The following NCAPD3 variants were observed in gnomAD, a reference collection of about 807,000 sequenced individuals.
NCAPD3 encodes the protein non-SMC condensin II complex subunit D3, also known as condensin-2 complex subunit D3.
Under a neutral mutation model 182.9 loss-of-function variants are expected in NCAPD3, and 105 were observed. The ratio of observed to expected loss-of-function variants is 0.57; its 90% CI spans 0.49 to 0.68. The LOEUF is 0.68. Ranked by LOEUF, NCAPD3 falls within the 30% of genes least tolerant of loss-of-function variation. NCAPD3 has a pLI of 0.00. For synonymous variants in NCAPD3, 815 were observed against 679.9 expected (o/e 1.20, Z -3.09); for missense variants, 1,944 against 1,837.0 (o/e 1.06, Z -1.07).
At chr11:134,168,417 C>T in intron 26 of NCAPD3, 52 bp downstream of exon 26, 1 of 1,609,140 alleles carries the variant, frequency 6.2e-7, no homozygotes, top group African/African-American at 1.3e-5. Flanking sequence ...ATTATCAACA[C>T]AGCATTTCAT....
rs370221558 is a variant in NCAPD3, at chr11:134,168,883, A to C, written c.3239+34T>G. 167 of 1,600,598 alleles carry C rather than the reference A, an allele frequency of 1.0e-4. 4 individuals carry two copies. The highest frequency in any genetic ancestry group is 4.9e-4 in the South Asian group (43 of 88,172). On this transcript the variant is annotated intron_variant, in intron 25 of 34. Transcript: ENST00000534548. ...CCTGATTCCCCCAGCTCTTACCCAG[A>C]TACAAGGAGACCAGACTTAGCTGCT... is the stretch of plus-strand genomic sequence containing the variant.
At chr11:134,207,761 A>AC (rs1822756810) in intron 7 of NCAPD3, among the ~76,000 whole-genome samples, 1 of 151,762 alleles carries the variant, frequency 6.6e-6, no homozygotes, top group African/African-American at 2.4e-5. Context: ...AAAAAAAAAA[A>AC]AAAAAACCAT....
At position 134,204,850 on chromosome 11, in the gene NCAPD3, C is replaced by A; in HGVS notation, c.1089+49G>T. ...ACACACACACACACACATTTATCTTCACACACGATATACTTCCATGTTATT... is the reference window on the plus strand; with the variant it reads ...ACACACACACACACACATTTATCTTAACACACGATATACTTCCATGTTATT... On this transcript the variant is annotated intron_variant, in intron 9 of 34. Coordinates refer to ENST00000534548, the MANE Select transcript of NCAPD3 (RefSeq NM_015261.3). This position sits in a 1 kb window ranked among gnomAD's most constrained non-coding sequence, Gnocchi z 4.3. 1 of 1,447,902 alleles carries A rather than the reference C, an allele frequency of 6.9e-7. No homozygotes were observed. The highest frequency in any genetic ancestry group is 1.2e-5 in the South Asian group (1 of 86,506). The allele number at this position is 1,447,902 out of a possible 1,614,324, so 89.7% of individuals were successfully genotyped here.
intron 31 of NCAPD3, 32 bp downstream of exon 31, chr11:134,157,896 C>A: frequency 6.3e-7 from 1 of 1,592,820 alleles, no homozygotes; most frequent in Non-Finnish European, 8.6e-7. Flanking sequence ...TGTAAATGCT[C>A]TACTGTGTCT....
rs1944380554 is a variant in NCAPD3 at position 134,185,304 on chromosome 11, G to A, written c.2237+31C>T. On this transcript the variant is annotated intron_variant, in intron 17 of 34. Transcript: ENST00000534548. The stretch of plus-strand genomic sequence containing the variant: ...GGCTTTGTTTCTAAGACTCTTCAGT[G>A]TCATTACTGGTTAAATTAGAAGATA... 11 of 1,549,490 alleles carry A rather than the reference G, an allele frequency of 7.1e-6. No homozygotes were observed. In the South Asian group the frequency reaches 1.2e-4, roughly 17 times the overall value.
chr11:134,206,235 G>A (rs1444281728), intron 8 of NCAPD3, among the ~76,000 whole-genome samples: 1 of 152,200 alleles, frequency 6.6e-6, no homozygotes, highest in African/African-American at 2.4e-5. Flanking sequence ...GCAAAGAGCT[G>A]CAAAGTAGAG....
chr11:134,164,685 C>G (rs940878786), intron 27 of NCAPD3, among the ~76,000 whole-genome samples: 2 of 148,284 alleles, frequency 1.3e-5, no homozygotes, highest in African/African-American at 2.5e-5. Context: ...TGCACACTCA[C>G]TTGTAAAATA....
In NCAPD3 at chr11:134,204,906, C is replaced by G. The variant is rs759200958; in HGVS notation, c.1082G>C (p.Cys361Ser). Residue 361 changes from cysteine (C) to serine (S), a missense_variant, in exon 9 of 35, where the codon TGT becomes TCT. Coordinates refer to ENST00000534548, the MANE Select transcript of NCAPD3 (RefSeq NM_015261.3). The surrounding 1 kb of genome is among the most constrained non-coding windows in gnomAD (Gnocchi z 4.3). ...TACTAAGGCAAACAGTACCTTGGCA[C>G]AGATGTGCTGCAGTAAGATACGGAC... ...PVVRILLQHI[C>S]AKVVDKSEYR... 6.2e-7 allele frequency: 1 copy of G among 1,611,248 alleles called. No individual in the cohort carries two copies. The highest frequency in any genetic ancestry group is 2.2e-5 in the East Asian group (1 of 44,848).
chr11:134,202,205 T>C (rs960064079), intron 13 of NCAPD3, among the ~76,000 whole-genome samples: 2 of 152,210 alleles, frequency 1.3e-5, no homozygotes, highest in Non-Finnish European at 2.9e-5. Context: ...TTTCTCTCTC[T>C]TATCTGTGTC....
At chr11:134,168,876 T>C in intron 25 of NCAPD3, 41 bp downstream of exon 25, 5 of 1,593,150 alleles carry the variant, frequency 3.1e-6, no homozygotes, top group Non-Finnish European at 4.3e-6. Context: ...CCCCAGCTCT[T>C]ACCCAGATAC....
At chr11:134,178,573 A>G (rs919625640) in intron 22 of NCAPD3, 61 bp downstream of exon 22, 140 of 1,301,838 alleles carry the variant, frequency 1.1e-4, no homozygotes, top group Non-Finnish European at 1.4e-4. Flanking sequence ...GGCTGGGCTT[A>G]CTTAAGACAA....
rs1333600798 is a variant in NCAPD3, at chr11:134,154,635, G to GCAGCCTCGCCCCTC, written c.4253-1273_4253-1272insGAGGGGCGAGGCTG. Among the ~76,000 whole-genome samples, 449 of 140,024 alleles carry GCAGCCTCGCCCCTC rather than the reference G, an allele frequency of 3.2e-3. 3 individuals carry two copies. Among genetic ancestry groups the GCAGCCTCGCCCCTC allele is most frequent in the African/African-American group, 0.011 (399 of 35,714 alleles). The allele number at this position is 140,024 out of a possible 152,430, so 91.9% of individuals were successfully genotyped here. A position where few individuals can be genotyped will look rare whatever the true frequency, so the allele number is the denominator to read the frequency against. Reference sequence around the variant, plus strand: ...TGCAGCCTCGCCCCTCCTGGGTGGTGCTGTACCCAGTGCATAAGCTGCCAC... The same window carrying GCAGCCTCGCCCCTC: ...TGCAGCCTCGCCCCTCCTGGGTGGTGCAGCCTCGCCCCTCCTGTACCCAGTGCATAAGCTGCCAC... On this transcript the variant is annotated intron_variant, in intron 32 of 34. Transcript: ENST00000534548.
At chr11:134,217,898 A>C (rs116945950) in intron 2 of NCAPD3, among the ~76,000 whole-genome samples, 2,601 of 152,244 alleles carry the variant, frequency 0.017, 26 homozygotes, top group Middle Eastern at 0.044. Context: ...CAGGAGTTTG[A>C]GAACAGCCAG....
chr11:134,159,336 G>A (rs1343284415), intron 29 of NCAPD3, among the ~76,000 whole-genome samples: 9 of 152,122 alleles, frequency 5.9e-5, no homozygotes, highest in South Asian at 4.1e-4. Context: ...GAATCTTCAC[G>A]TACTATGAGC....
At chr11:134,181,491 C>T (rs1274649056) in intron 19 of NCAPD3, among the ~76,000 whole-genome samples, 1 of 152,142 alleles carries the variant, frequency 6.6e-6, no homozygotes, top group African/African-American at 2.4e-5. Context: ...TGTAAGAGAT[C>T]TATAATAGTA....
intron 22 of NCAPD3, 105 bp downstream of exon 22, chr11:134,178,529 C>T: frequency 3.5e-6 from 3 of 864,410 alleles, no homozygotes; most frequent in Non-Finnish European, 1.8e-6. Context: ...AGAGCAGACA[C>T]AGACAGGCTC....
chr11:134,192,295 G>A (rs186134388), intron 16 of NCAPD3, among the ~76,000 whole-genome samples: 5 of 152,324 alleles, frequency 3.3e-5, no homozygotes, highest in South Asian at 2.1e-4. Context: ...AGCCTGCAGT[G>A]TTAGTTAAGT....
chr11:134,155,341 G>GA (rs1435392569), intron 32 of NCAPD3, among the ~76,000 whole-genome samples: 2 of 152,166 alleles, frequency 1.3e-5, no homozygotes, highest in South Asian at 4.1e-4. Flanking sequence ...AAACCACAGA[G>GA]AAAACAGAAC....
At position 134,173,273 on chromosome 11, in the gene NCAPD3, C is replaced by T. The variant is rs138798442; in HGVS notation, c.3101+3034G>A. The stretch of plus-strand genomic sequence containing the variant: ...CTCAAAGCCCCAGATCCCAGGGAGG[C>T]GGGGGATGGTGGGGACAGCACAGGT... On this transcript the variant is annotated intron_variant, in intron 24 of 34. Coordinates refer to ENST00000534548, the MANE Select transcript of NCAPD3 (RefSeq NM_015261.3). 649 of 154,030 alleles carry T rather than the reference C, an allele frequency of 4.2e-3. 4 individuals carry two copies. The highest frequency in any genetic ancestry group is 0.015 in the African/African-American group (615 of 41,554). The allele number at this position is 154,030 out of a possible 1,614,324, so 9.5% of individuals were successfully genotyped here.
Sources: gnomAD v4.1 joint callset for allele counts (sites outside exome capture counted in the v4.1 genomes callset) on GRCh38, gnomAD v4.1.1 for gene constraint, Gnocchi (gnomAD v3.1) non-coding constraint, MANE v1.5 for transcripts, NCBI Gene and HGNC (gene_info 2026-07-23, HGNC 2026-07-21) for gene names.